The following POU2F1 variants were observed in gnomAD, a reference collection of about 807,000 sequenced individuals.
POU2F1 encodes the protein POU domain, class 2, transcription factor 1.
Under a neutral mutation model 84.9 loss-of-function variants are expected in POU2F1, and 16 were observed. The ratio of observed to expected loss-of-function variants is 0.19; its 90% CI spans 0.13 to 0.29. The LOEUF is 0.29. Among genes scored for constraint, POU2F1 ranks in the 10% least tolerant of loss-of-function variants. POU2F1 has a pLI of 1.00. For synonymous variants in POU2F1, 368 were observed against 368.3 expected (o/e 1.00, Z 0.01); for missense variants, 738 against 942.6 (o/e 0.78, Z 2.84).
chr1:167,296,473 G>A (rs1029693320), intron 1 of POU2F1, among the ~76,000 whole-genome samples: 5 of 152,076 alleles, frequency 3.3e-5, no homozygotes, highest in South Asian at 2.1e-4. Flanking sequence ...CTTCTTTCAA[G>A]AGGTTCTTTG....
intron 2 of POU2F1, chr1:167,357,358 C>CA (rs1659014727): frequency 1.1e-4 from 1 of 8,912 alleles, no homozygotes; most frequent in South Asian, 8.8e-3. Context: ...TCCCCCACGC[C>CA]TCCCCCCCCA....
intron 1 of POU2F1, among the ~76,000 whole-genome samples, chr1:167,239,134 C>CA (rs1649721253): frequency 6.6e-6 from 1 of 152,162 alleles, no homozygotes; most frequent in Non-Finnish European, 1.5e-5. Flanking sequence ...TCCCTTCTAC[C>CA]AAAAATGTCA....
intron 2 of POU2F1, among the ~76,000 whole-genome samples, chr1:167,345,043 C>T (rs561859463): frequency 6.6e-6 from 1 of 152,232 alleles, no homozygotes; most frequent in African/African-American, 2.4e-5. Context: ...AGGGGAACAT[C>T]ACATACCAGG....
rs1197814755 is a variant in POU2F1, at chr1:167,358,716, CTTT to C, written c.128-6732_128-6730del. On this transcript the variant is annotated intron_variant, in intron 2 of 15. Transcript: ENST00000367866. Reference sequence around the variant, plus strand: ...TTCTTAATCTTTTTATTATCTGCAGCTTTTTTTTTTTTTTTTTTTTTGAGACAG... The same window carrying C: ...TTCTTAATCTTTTTATTATCTGCAGCTTTTTTTTTTTTTTTTTTGAGACAG... Among the ~76,000 whole-genome samples the C allele has an allele frequency of 1.3e-3, 49 of 38,352 alleles. 1 individual carries two copies. The highest frequency in any genetic ancestry group is 2.2e-3 in the African/African-American group (31 of 14,016). 25.2% of individuals were successfully genotyped at this position (38,352 alleles called of 152,430 possible). A position where few individuals can be genotyped will look rare whatever the true frequency, so the allele number is the denominator to read the frequency against.
Position 167,415,775 on chromosome 1 carries a change from G to A in POU2F1, c.2266G>A (p.Ala756Thr), listed in dbSNP as rs1237045540. Reference sequence around the variant, plus strand: ...CACAGTGGCCTCTGCCAGCGGGGCTGCGTCCACCACCACCACCGCCTCCAA... The same window carrying A: ...CACAGTGGCCTCTGCCAGCGGGGCTACGTCCACCACCACCACCGCCTCCAA... Reference protein sequence around the residue: ...LFTVASASGAASTTTTASKAQ With the variant: ...LFTVASASGATSTTTTASKAQ The change falls in exon 16 of 16, where the codon GCG (alanine) becomes ACG (threonine). Residue 756 changes from alanine (A) to threonine (T), a missense_variant. Ala to Thr is a moderately conservative substitution (Grantham distance 58). Coordinates refer to ENST00000367866, the MANE Select transcript of POU2F1 (RefSeq NM_002697.4). 6.2e-7 allele frequency: 1 copy of A among 1,614,084 alleles called. No individual in the cohort carries two copies. Among genetic ancestry groups the A allele is most frequent in the South Asian group, 1.1e-5 (1 of 91,072 alleles).
chr1:167,299,998 G>A (rs911621738), intron 1 of POU2F1, among the ~76,000 whole-genome samples: 5 of 152,146 alleles, frequency 3.3e-5, no homozygotes, highest in African/African-American at 1.2e-4. Context: ...GTTCACAATA[G>A]CAAAGCCATG....
chr1:167,368,435 A>G lies in POU2F1; in HGVS notation c.229-1726A>G, dbSNP rs140940144. Among the ~76,000 whole-genome samples, 14 of 152,090 alleles carry G rather than the reference A, an allele frequency of 9.2e-5. No individual in the cohort carries two copies. In the East Asian group the frequency reaches 2.5e-3, roughly 27 times the overall value. ...AAGGTAGTGTTTATTAGATTTGTCC[A>G]CTGTAAATATGTCTTTTTGCCTCCT... On this transcript the variant is annotated intron_variant, in intron 3 of 15. Coordinates refer to ENST00000367866, the MANE Select transcript of POU2F1 (RefSeq NM_002697.4).
chr1:167,326,266 C>T (rs1381329482), intron 1 of POU2F1, among the ~76,000 whole-genome samples: 1 of 152,162 alleles, frequency 6.6e-6, no homozygotes, highest in African/African-American at 2.4e-5. Context: ...CTGACAATCC[C>T]ACAAACCTCT....
chr1:167,329,798 T>G (rs992129314), intron 1 of POU2F1, among the ~76,000 whole-genome samples: 3 of 152,224 alleles, frequency 2.0e-5, no homozygotes, highest in Non-Finnish European at 2.9e-5. Context: ...GTAATTGTAC[T>G]GGTTGCTGCA....
At chr1:167,299,849 A>G (rs1446911882) in intron 1 of POU2F1, among the ~76,000 whole-genome samples, 1 of 152,186 alleles carries the variant, frequency 6.6e-6, no homozygotes, top group African/African-American at 2.4e-5. Context: ...TAAAACCCAG[A>G]TTGTTGGGCC....
chr1:167,413,637 A>G (rs2101948359), intron 15 of POU2F1, among the ~76,000 whole-genome samples: 1 of 152,274 alleles, frequency 6.6e-6, no homozygotes, highest in East Asian at 1.9e-4. Flanking sequence ...TATCGCCGTT[A>G]GTGTAGAACA....
intron 7 of POU2F1, among the ~76,000 whole-genome samples, chr1:167,381,829 T>G (rs1477099595): frequency 2.6e-5 from 4 of 151,028 alleles, no homozygotes; most frequent in African/African-American, 9.7e-5. Context: ...AGGCTGGTCT[T>G]GAACTCCTGA....
intron 1 of POU2F1, among the ~76,000 whole-genome samples, chr1:167,272,208 T>C (rs182173274): frequency 4.3e-4 from 65 of 152,294 alleles, no homozygotes; most frequent in African/African-American, 1.5e-3. Context: ...AATAAATTCA[T>C]TTTCTGTATT....
chr1:167,419,164 T>TAA lies in POU2F1; in HGVS notation c.*3355_*3356dup, dbSNP rs1388247000. ...ATTTTGAATTGAATGAACTATCTTC[T>TAA]AAGCTAAGATACTCAAATTTAACTT... On this transcript the variant is annotated 3_prime_UTR_variant, in exon 16 of 16. Coordinates refer to ENST00000367866, the MANE Select transcript of POU2F1 (RefSeq NM_002697.4). The TAA allele has an allele frequency of 6.6e-6, 1 of 152,182 alleles. No individual in the cohort carries two copies. The highest frequency in any genetic ancestry group is 1.9e-4 in the East Asian group (1 of 5,200). The allele number at this position is 152,182 out of a possible 1,614,324, so 9.4% of individuals were successfully genotyped here.
At chr1:167,377,938 T>A (rs912096241) in intron 7 of POU2F1, among the ~76,000 whole-genome samples, 1 of 152,220 alleles carries the variant, frequency 6.6e-6, no homozygotes, top group African/African-American at 2.4e-5. Flanking sequence ...TTTTTTTTAA[T>A]CCAGTCTAGT....
intron 2 of POU2F1, among the ~76,000 whole-genome samples, chr1:167,354,692 G>A (rs560898283): frequency 6.6e-6 from 1 of 152,276 alleles, no homozygotes; most frequent in Non-Finnish European, 1.5e-5. Context: ...AATAGCAACT[G>A]GGATTAACCG....
Position 167,419,634 on chromosome 1 carries a change from ATTAG to A in POU2F1, c.*3827_*3830del, listed in dbSNP as rs1650524804. The A allele has an allele frequency of 2.6e-5, 4 of 152,252 alleles. No individual in the cohort carries two copies. In the South Asian group the frequency reaches 8.3e-4, roughly 31 times the overall value. The allele number at this position is 152,252 out of a possible 1,614,324, so 9.4% of individuals were successfully genotyped here. On this transcript the variant is annotated 3_prime_UTR_variant, in exon 16 of 16. Transcript: ENST00000367866. Reference sequence around the variant, plus strand: ...TAAGAAAAAATAAGTTGAGTGCTGTATTAGTTTAAGTGTTTCTAAAGTTCTATAG... The same window carrying A: ...TAAGAAAAAATAAGTTGAGTGCTGTATTTAAGTGTTTCTAAAGTTCTATAG...
intron 1 of POU2F1, among the ~76,000 whole-genome samples, chr1:167,309,884 C>A (rs111859314): frequency 3.3e-5 from 5 of 152,064 alleles, no homozygotes; most frequent in Non-Finnish European, 5.9e-5. Flanking sequence ...GAATTGCTTT[C>A]GTTATATGAA....
At chr1:167,248,330 A>G (rs1650487835) in intron 1 of POU2F1, among the ~76,000 whole-genome samples, 1 of 152,212 alleles carries the variant, frequency 6.6e-6, no homozygotes, top group South Asian at 2.1e-4. Flanking sequence ...CTAAGGCTTT[A>G]TCGTCTAATT....
Sources: allele counts gnomAD v4.1 joint callset (sites outside exome capture counted in the v4.1 genomes callset), GRCh38; gene constraint gnomAD v4.1.1; transcripts MANE v1.5; gene names NCBI Gene and HGNC (gene_info 2026-07-23, HGNC 2026-07-21).